Variants in ZNF568 observed in about 807,000 individuals in gnomAD.
The protein encoded by ZNF568 is zinc finger protein 568.
Under a neutral mutation model 18.1 loss-of-function variants are expected in ZNF568, and 11 were observed. The ratio of observed to expected loss-of-function variants is 0.61; its 90% CI spans 0.38 to 1.00. The LOEUF (loss-of-function observed/expected upper bound fraction) is 1.00, where lower values mean the gene tolerates loss of function less well. Among genes scored for constraint, ZNF568 ranks in the 50% least tolerant of loss-of-function variants. The pLI is 0.01. For synonymous variants in ZNF568, 213 were observed against 246.6 expected, an observed-to-expected ratio of 0.86 and a Z score of 1.28; for missense variants, 639 against 768.2, an observed-to-expected ratio of 0.83 and a Z score of 1.99.
At chr19:36,953,895 A>G (rs1265322888), downstream of ZNF568, among the ~76,000 whole-genome samples, 3 of 151,690 alleles carry the variant, frequency 2.0e-5, no homozygotes, top group Non-Finnish European at 4.4e-5. Flanking sequence ...TGCGTGACAG[A>G]GTAAGACCCT....
chr19:36,936,920 T>C (rs1030740442), intron 5 of ZNF568, 48 bp downstream of exon 5: 1 of 1,599,916 alleles, frequency 6.3e-7, no homozygotes, highest in Non-Finnish European at 8.5e-7. Flanking sequence ...TTCTTTTCCA[T>C]TTCTGAAATG....
chr19:36,989,744 G>A (rs1273552878), intron 2 of ZNF568, among the ~76,000 whole-genome samples: 3 of 151,872 alleles, frequency 2.0e-5, no homozygotes. Flanking sequence ...TTGTAGAAAC[G>A]GGATCTCACT....
rs35494587 is a variant in ZNF568, at chr19:36,958,616, C to CTTTTTTTTTTTTTTTTTTT, written c.359-15800_359-15782dup. On this transcript the variant is annotated intron_variant, in intron 6 of 7. Transcript: ENST00000427117. ...CTTTTTTTCTTTTTTCTTTTTCTTTCTTTTTTTTTTTTTTTTTTTTTTGAG... is the reference window on the plus strand; with the variant it reads ...CTTTTTTTCTTTTTTCTTTTTCTTTCTTTTTTTTTTTTTTTTTTTTTTTTTTTTTTTTTTTTTTTTTGAG... Among the ~76,000 whole-genome samples, 29 of 99,134 alleles carry CTTTTTTTTTTTTTTTTTTT rather than the reference C, an allele frequency of 2.9e-4. 1 individual carries two copies. The highest frequency in any genetic ancestry group is 8.9e-4 in the African/African-American group (20 of 22,410). 65.0% of individuals were successfully genotyped at this position (99,134 alleles called of 152,430 possible).
At chr19:36,933,845 T>A (rs1359611149) in intron 4 of ZNF568, among the ~76,000 whole-genome samples, 2 of 151,170 alleles carry the variant, frequency 1.3e-5, no homozygotes, top group African/African-American at 4.8e-5. Context: ...TTTTTTGTTG[T>A]TTGTTAAAAT....
At chr19:36,964,599 GCCCAGGAGTTCGAGA>G (rs2074180273) in intron 6 of ZNF568, among the ~76,000 whole-genome samples, 2 of 152,144 alleles carry the variant, frequency 1.3e-5, no homozygotes, top group South Asian at 4.1e-4. Context: ...GATAGCTTGA[GCCCAGGAGTTCGAGA>G]CCAGCCTGGG....
intron 4 of ZNF568, among the ~76,000 whole-genome samples, chr19:36,993,330 G>T (rs1204095777): frequency 1.3e-5 from 2 of 152,146 alleles, no homozygotes; most frequent in Admixed American, 1.3e-4. Context: ...TTATGCTGTT[G>T]GATCTGGTTT....
exon 5 of ZNF568, chr19:36,996,747 T>A: frequency 6.5e-7 from 1 of 1,540,408 alleles, no homozygotes; most frequent in Non-Finnish European, 8.7e-7. Flanking sequence ...ATCATGATTC[T>A]GGAATTACTC....
At chr19:36,980,062 T>C (rs2146340100), downstream of ZNF568, 1 of 152,140 alleles carries the variant, frequency 6.6e-6, no homozygotes, top group Admixed American at 6.5e-5. Flanking sequence ...CTAATTTTTC[T>C]ATTGATTTTT....
At chr19:36,955,041 G>A (rs947771929), downstream of ZNF568, among the ~76,000 whole-genome samples, 6 of 151,806 alleles carry the variant, frequency 4.0e-5, no homozygotes, top group African/African-American at 9.7e-5. Context: ...CACCATGCCC[G>A]GCTAATTTTT....
Position 36,951,871 on chromosome 19 carries a change from T to C in ZNF568, c.*783T>C. 2.3e-6 allele frequency: 2 copies of C among 881,336 alleles called. No homozygotes were observed. The highest frequency in any genetic ancestry group is 2.7e-6 in the Non-Finnish European group (2 of 735,838). The allele number at this position is 881,336 out of a possible 1,614,324, so 54.6% of individuals were successfully genotyped here. ...CTTGAACTCCTGACTTCAAAAGTGATCGCCCTCTTTGGCCTCCCAAAGTGC... is the reference window on the plus strand; with the variant it reads ...CTTGAACTCCTGACTTCAAAAGTGACCGCCCTCTTTGGCCTCCCAAAGTGC... On this transcript the variant is annotated 3_prime_UTR_variant, in exon 7 of 7. Transcript: ENST00000333987.
chr19:36,959,134 A>G (rs897272710), intron 6 of ZNF568, among the ~76,000 whole-genome samples: 78 of 152,232 alleles, frequency 5.1e-4, no homozygotes, highest in African/African-American at 1.9e-3. Context: ...CCTATTCACT[A>G]TGGTGTTAGC....
chr19:36,971,348 A>C (rs1281072583), intron 6 of ZNF568, among the ~76,000 whole-genome samples: 2 of 151,762 alleles, frequency 1.3e-5, no homozygotes, highest in Non-Finnish European at 2.9e-5. Flanking sequence ...TTAGTACTAA[A>C]CTGTGGATTT....
At chr19:36,972,783 G>T (rs1001211189) in intron 6 of ZNF568, among the ~76,000 whole-genome samples, 5 of 152,222 alleles carry the variant, frequency 3.3e-5, no homozygotes, top group African/African-American at 1.2e-4. Flanking sequence ...TACAGCACTT[G>T]TGAGAGGCCT....
chr19:36,941,191 T>G (rs775331519), intron 6 of ZNF568, among the ~76,000 whole-genome samples: 12 of 152,186 alleles, frequency 7.9e-5, no homozygotes, highest in Non-Finnish European at 1.5e-4. Flanking sequence ...CATCTAGTTA[T>G]CTGAATTTTA....
At chr19:36,960,843 C>G (rs967401290) in intron 6 of ZNF568, among the ~76,000 whole-genome samples, 6 of 151,578 alleles carry the variant, frequency 4.0e-5, no homozygotes, top group African/African-American at 1.5e-4. Flanking sequence ...CAAAGTTCCT[C>G]TTGGTGTTAA....
At chr19:36,989,977 A>G (rs1413988043) in intron 2 of ZNF568, among the ~76,000 whole-genome samples, 1 of 152,118 alleles carries the variant, frequency 6.6e-6, no homozygotes, top group African/African-American at 2.4e-5. Context: ...GGTTAAGTGG[A>G]ATCACATATT....
intron 4 of ZNF568, among the ~76,000 whole-genome samples, chr19:36,927,895 ATATATATATTTTTTTTTTTTTTT>A (rs2073603304): frequency 3.9e-5 from 1 of 25,772 alleles, no homozygotes; most frequent in African/African-American, 2.4e-4. Context: ...TATTATATAT[ATATATATATTTTTTTTTTTTTTT>A]TTTTTTTTTT....
intron 6 of ZNF568, among the ~76,000 whole-genome samples, chr19:36,970,337 ATTTCT>A (rs1468795153): frequency 1.8e-5 from 2 of 108,704 alleles, no homozygotes; most frequent in Non-Finnish European, 4.0e-5. Context: ...TCTTTATTGA[ATTTCT>A]TTTCTTTTCT....
rs538240110 is a variant in ZNF568, at chr19:36,992,355, A to G, written c.229+509A>G. Among the ~76,000 whole-genome samples, 4 of 152,110 alleles carry G rather than the reference A, an allele frequency of 2.6e-5. No individual in the cohort carries two copies. The East Asian group carries it at 5.8e-4, about 22-fold the overall frequency. On this transcript the variant is annotated intron_variant, in intron 4 of 4. Transcript: ENST00000433993. The stretch of plus-strand genomic sequence containing the variant: ...CATCTCTACTAAAAATACAAAAATT[A>G]GCTGGGCATGGTGGCAGGTGCCTGT...
Sources: allele counts gnomAD v4.1 joint callset (sites outside exome capture counted in the v4.1 genomes callset), GRCh38; gene constraint gnomAD v4.1.1; transcripts MANE v1.5; gene names NCBI Gene and HGNC (gene_info 2026-07-23, HGNC 2026-07-21).